Variants in PLXDC2 observed in about 807,000 individuals in gnomAD.
PLXDC2 encodes plexin domain-containing protein 2.
PLXDC2 carries 40 observed loss-of-function variants against 68.9 expected under a neutral mutation model. The ratio of observed to expected loss-of-function variants is 0.58; its 90% CI spans 0.45 to 0.76. The LOEUF (loss-of-function observed/expected upper bound fraction) is 0.76, where lower values mean the gene tolerates loss of function less well. Among genes scored for constraint, PLXDC2 ranks in the 30% least tolerant of loss-of-function variants. PLXDC2 has a pLI of 0.00. For missense variants in PLXDC2, 644 were observed against 661.9 expected (o/e 0.97, Z 0.30); for synonymous variants, 243 against 234.2 (o/e 1.04, Z -0.34).
intron 13 of PLXDC2, among the ~76,000 whole-genome samples, chr10:20,275,323 AAC>A (rs1264934412): frequency 6.6e-6 from 1 of 152,096 alleles, no homozygotes; most frequent in African/African-American, 2.4e-5. Context: ...GCCTGTGAGA[AAC>A]ACAGACCCCC....
At chr10:20,014,767 C>T (rs1835180541) in intron 2 of PLXDC2, among the ~76,000 whole-genome samples, 1 of 152,088 alleles carries the variant, frequency 6.6e-6, no homozygotes, top group African/African-American at 2.4e-5. Context: ...TTGCTTTGTC[C>T]ATGTATATCT....
At chr10:20,098,357 A>ATGTGTGTTGTG (rs1833379477) in intron 4 of PLXDC2, among the ~76,000 whole-genome samples, 1 of 145,384 alleles carries the variant, frequency 6.9e-6, no homozygotes, top group Non-Finnish European at 1.5e-5. Context: ...GTGTGTGTGT[A>ATGTGTGTTGTG]TGTGTGTGTG....
At chr10:20,012,517 G>T (rs1835138290) in intron 2 of PLXDC2, among the ~76,000 whole-genome samples, 1 of 150,896 alleles carries the variant, frequency 6.6e-6, no homozygotes, top group East Asian at 1.9e-4. Context: ...GTAGAGATGG[G>T]GTTTTGCCTT....
intron 6 of PLXDC2, among the ~76,000 whole-genome samples, chr10:20,160,322 C>A (rs1834274222): frequency 6.6e-6 from 1 of 151,932 alleles, no homozygotes; most frequent in Non-Finnish European, 1.5e-5. Flanking sequence ...AATCATTAAC[C>A]CATGAATATG....
intron 9 of PLXDC2, among the ~76,000 whole-genome samples, chr10:20,204,721 C>A (rs1175695769): frequency 6.6e-6 from 1 of 152,196 alleles, no homozygotes; most frequent in Non-Finnish European, 1.5e-5. Flanking sequence ...GACTGGCACA[C>A]AGCCACACCC....
In PLXDC2 at chr10:19,884,033, A is replaced by C. The variant is rs1390403340; in HGVS notation, c.112+66842A>C. On this transcript the variant is annotated intron_variant, in intron 1 of 13. Coordinates refer to ENST00000377252, the MANE Select transcript of PLXDC2 (RefSeq NM_032812.9). ...TCAGCCTCCATGTAGCCAGGGCTAC[A>C]GGTGTGCACCACCACACCTGGCTAA... 4.7e-5 allele frequency among the ~76,000 whole-genome samples: 7 copies of C among 150,272 alleles called. No homozygotes were observed. The East Asian group carries it at 1.2e-3, about 25-fold the overall frequency.
At chr10:20,044,211 GTCTTTCTTTCTTTCTT>G (rs1226746835) in intron 2 of PLXDC2, among the ~76,000 whole-genome samples, 7,854 of 68,258 alleles carry the variant, frequency 0.12, 546 homozygotes, top group East Asian at 0.17. Context: ...CTCTCTCTCT[GTCTTTCTTTCTTTCTT>G]TCTTTCTTTC....
chr10:19,824,752 T>C (rs1836539879), intron 1 of PLXDC2, among the ~76,000 whole-genome samples: 1 of 152,252 alleles, frequency 6.6e-6, no homozygotes, highest in African/African-American at 2.4e-5. Context: ...AAGATGAGAA[T>C]ATAAAATATT....
At chr10:20,190,926 C>T (rs1023831108) in intron 9 of PLXDC2, among the ~76,000 whole-genome samples, 1 of 151,806 alleles carries the variant, frequency 6.6e-6, no homozygotes, top group Non-Finnish European at 1.5e-5. Flanking sequence ...ATAGGAACAT[C>T]CTACTTAAGA....
rs574788111 is a variant in PLXDC2, at chr10:20,123,738, G to A, written c.542-19557G>A. ...CTCCAGAAAAGTGGGAAAGGGGATG[G>A]GGCACAGAGATACGAGGTCAGGGCA... On this transcript the variant is annotated intron_variant, in intron 4 of 13. Transcript: ENST00000377252. Among the ~76,000 whole-genome samples the A allele has an allele frequency of 1.1e-4, 17 of 151,988 alleles. No homozygotes were observed. In the East Asian group the frequency reaches 2.9e-3, roughly 26 times the overall value.
rs114144613 is a variant in PLXDC2, at chr10:20,105,819, A to G, written c.542-37476A>G. Among the ~76,000 whole-genome samples the G allele has an allele frequency of 3.4e-3, 518 of 152,328 alleles. 2 individuals carry two copies. The highest frequency in any genetic ancestry group is 0.012 in the African/African-American group (489 of 41,578). ...CACATTCAGAGCCACACTCGGTACA[A>G]ATCCTCGAGCTGCTCTCTAGTGATG... On this transcript the variant is annotated intron_variant, in intron 4 of 13. Transcript: ENST00000377252.
intron 9 of PLXDC2, among the ~76,000 whole-genome samples, chr10:20,193,090 C>A (rs1345891033): frequency 6.6e-6 from 1 of 152,034 alleles, no homozygotes; most frequent in Admixed American, 6.6e-5. Flanking sequence ...GGACATCCTC[C>A]AGTCATCCCT....
At chr10:20,018,496 AAG>A (rs1835250439) in intron 2 of PLXDC2, among the ~76,000 whole-genome samples, 1 of 152,214 alleles carries the variant, frequency 6.6e-6, no homozygotes, top group Non-Finnish European at 1.5e-5. Flanking sequence ...AGTGATTTTG[AAG>A]AGAGTTTCCA....
rs1834367009 is a variant in PLXDC2 at position 19,972,231 on chromosome 10, T to C, written c.113-29544T>C. 2.0e-5 allele frequency among the ~76,000 whole-genome samples: 3 copies of C among 152,310 alleles called. 1 individual carries two copies. The South Asian group carries it at 6.2e-4, about 32-fold the overall frequency. Reference sequence around the variant, plus strand: ...AGTGTTGGACTGGATAAAGGAAATGTGGTACATCTATACTGTGGAATTCCG... The same window carrying C: ...AGTGTTGGACTGGATAAAGGAAATGCGGTACATCTATACTGTGGAATTCCG... On this transcript the variant is annotated intron_variant, in intron 1 of 13. Transcript: ENST00000377252.
chr10:20,262,280 T>C (rs1467369810), intron 13 of PLXDC2, among the ~76,000 whole-genome samples: 1 of 152,250 alleles, frequency 6.6e-6, no homozygotes, highest in Non-Finnish European at 1.5e-5. Context: ...GGAGTCTCGT[T>C]GCTTATTTGC....
chr10:20,205,759 T>TA (rs1370204147), intron 9 of PLXDC2, among the ~76,000 whole-genome samples: 1 of 152,042 alleles, frequency 6.6e-6, no homozygotes, highest in African/African-American at 2.4e-5. Flanking sequence ...ACTAGACAAA[T>TA]ACTGAACTTT....
intron 9 of PLXDC2, among the ~76,000 whole-genome samples, chr10:20,184,454 T>C (rs1159505806): frequency 2.0e-5 from 3 of 150,848 alleles, no homozygotes; most frequent in Non-Finnish European, 3.0e-5. Context: ...TGTATTATAT[T>C]TCAAAAAATC....
chr10:19,906,074 T>G lies in PLXDC2; in HGVS notation c.112+88883T>G, dbSNP rs369256705. Among the ~76,000 whole-genome samples the G allele has an allele frequency of 1.3e-4, 20 of 151,846 alleles. 1 individual carries two copies. The highest frequency in any genetic ancestry group is 4.8e-4 in the African/African-American group (20 of 41,394). On this transcript the variant is annotated intron_variant, in intron 1 of 13. Transcript: ENST00000377252. ...GATGTGAAACAGACACAAACTAAAG[T>G]GAATGATAGGGCATGTTAGACAGTA...
intron 1 of PLXDC2, among the ~76,000 whole-genome samples, chr10:19,924,951 A>T (rs145145099): frequency 6.6e-6 from 1 of 152,346 alleles, no homozygotes; most frequent in African/African-American, 2.4e-5. Flanking sequence ...CCACATCTCA[A>T]TGAAGTTGTA....
Sources: allele counts gnomAD v4.1 joint callset (sites outside exome capture counted in the v4.1 genomes callset), GRCh38; gene constraint gnomAD v4.1.1; transcripts MANE v1.5; gene names NCBI Gene and HGNC (gene_info 2026-07-23, HGNC 2026-07-21).